IGSF21: variants seen among roughly 807,000 people sequenced by gnomAD.
The protein encoded by IGSF21 is immunoglobin superfamily member 21, also known as immunoglobulin superfamily member 21.
A neutral mutation model predicts 46.8 loss-of-function variants in IGSF21; 28 were observed. The observed-to-expected ratio is 0.60, with a 90% CI of 0.44 to 0.82. The LOEUF (loss-of-function observed/expected upper bound fraction) is 0.82, where lower values mean the gene tolerates loss of function less well. Ranked by LOEUF, IGSF21 falls within the 40% of genes least tolerant of loss-of-function variation. The pLI is 0.00. For missense variants in IGSF21, 624 were observed against 665.5 expected (o/e 0.94, Z 0.69); for synonymous variants, 284 against 273.6 (o/e 1.04, Z -0.38).
intron 2 of IGSF21, among the ~76,000 whole-genome samples, chr1:18,268,434 T>G (rs562622198): frequency 4.6e-5 from 7 of 152,344 alleles, no homozygotes; most frequent in African/African-American, 1.7e-4. Flanking sequence ...TCCCAGCTGC[T>G]GTAAGTGCTT....
rs1385762344 is a variant in IGSF21, at chr1:18,280,693, C to A, written c.184-11173C>A. Among the ~76,000 whole-genome samples the A allele has an allele frequency of 2.6e-5, 4 of 152,114 alleles. No individual in the cohort carries two copies. In the East Asian group the frequency reaches 7.7e-4, roughly 29 times the overall value. The stretch of plus-strand genomic sequence containing the variant: ...CTAGAGGTCTGACTCCAGAGCCTAA[C>A]CACTACCAAACCCAGACTCCACATG... On this transcript the variant is annotated intron_variant, in intron 2 of 9. Coordinates refer to ENST00000251296, the MANE Select transcript of IGSF21 (RefSeq NM_032880.5).
At chr1:18,223,013 C>A (rs1007566316) in intron 1 of IGSF21, among the ~76,000 whole-genome samples, 1 of 152,320 alleles carries the variant, frequency 6.6e-6, no homozygotes, top group Non-Finnish European at 1.5e-5. Context: ...TCCCTCCTCA[C>A]CCCAGCCAGA....
chr1:18,153,747 G>T (rs752593068), intron 1 of IGSF21, among the ~76,000 whole-genome samples: 1 of 152,024 alleles, frequency 6.6e-6, no homozygotes, highest in South Asian at 2.1e-4. Context: ...CTGGGGACAC[G>T]AAGGGACCAG....
chr1:18,198,973 G>A (rs2087038085), intron 1 of IGSF21, among the ~76,000 whole-genome samples: 1 of 152,006 alleles, frequency 6.6e-6, no homozygotes, highest in Admixed American at 6.5e-5. Flanking sequence ...GGCCAGATGA[G>A]GGTGGCCCCC....
rs1353337700 is a variant in IGSF21, at chr1:18,208,393, A to T, written c.71-19505A>T. On this transcript the variant is annotated intron_variant, in intron 1 of 9. Coordinates refer to ENST00000251296, the MANE Select transcript of IGSF21 (RefSeq NM_032880.5). ...TTAGGAATAATATATATATATATAT[A>T]TATTTTTTGAGACGGAGTCTTGCTG... is the stretch of plus-strand genomic sequence containing the variant. Among the ~76,000 whole-genome samples the T allele has an allele frequency of 4.2e-5, 5 of 118,794 alleles. 1 individual carries two copies. The highest frequency in any genetic ancestry group is 1.1e-4 in the African/African-American group (4 of 34,906). 77.9% of individuals were successfully genotyped at this position (118,794 alleles called of 152,430 possible).
Position 18,227,899 on chromosome 1 carries a change from C to T in IGSF21, c.72C>T (p.Gly24=), listed in dbSNP as rs531774944. 54 of 1,613,108 alleles carry T rather than the reference C, an allele frequency of 3.3e-5. No individual in the cohort carries two copies. The Middle Eastern group carries it at 6.6e-4, about 20-fold the overall frequency. The change falls in exon 2 of 10, where the codon GGC becomes GGT. Residue 24 remains glycine, a splice_region_variant and synonymous_variant. Coordinates refer to ENST00000251296, the MANE Select transcript of IGSF21 (RefSeq NM_032880.5). The part of the protein sequence containing the change: ...LLAAILDLAR[G]YLTVNIEPLP... Reference sequence around the variant, plus strand: ...ACCCCTTTCTCCTCTCTTCTGTAGGCTACCTGACAGTCAACATTGAGCCTC... The same window carrying T: ...ACCCCTTTCTCCTCTCTTCTGTAGGTTACCTGACAGTCAACATTGAGCCTC...
At chr1:18,272,280 G>A (rs774536257) in intron 2 of IGSF21, among the ~76,000 whole-genome samples, 22 of 143,180 alleles carry the variant, frequency 1.5e-4, no homozygotes, top group Non-Finnish European at 2.2e-4. Context: ...CCCACAACAC[G>A]TGAGAAGTAT....
At chr1:18,312,941 C>A (rs1470615241) in intron 3 of IGSF21, among the ~76,000 whole-genome samples, 1 of 152,192 alleles carries the variant, frequency 6.6e-6, no homozygotes. Context: ...GGACTGCCTT[C>A]TTCTTTCTTT....
chr1:18,338,495 G>A (rs934954257), intron 4 of IGSF21, among the ~76,000 whole-genome samples: 1 of 152,086 alleles, frequency 6.6e-6, no homozygotes, highest in Non-Finnish European at 1.5e-5. Context: ...AAGCTCCCAG[G>A]ACAGTGGGGA....
chr1:18,281,871 G>A (rs187924483), intron 2 of IGSF21, among the ~76,000 whole-genome samples: 5 of 152,238 alleles, frequency 3.3e-5, no homozygotes, highest in Admixed American at 1.3e-4. Flanking sequence ...TTCAGCCCTC[G>A]GTGAACCTGT....
chr1:18,227,771 C>CA (rs2084583266), intron 1 of IGSF21, 127 bp from the exon 2 acceptor site: 2 of 687,948 alleles, frequency 2.9e-6, no homozygotes, highest in Non-Finnish European at 5.3e-6. Flanking sequence ...CAGCGTCCCT[C>CA]AAAGTTGTGC....
intron 3 of IGSF21, among the ~76,000 whole-genome samples, chr1:18,324,283 G>A (rs115527402): frequency 0.013 from 1,995 of 152,326 alleles, 28 homozygotes; most frequent in Middle Eastern, 0.034. Flanking sequence ...GGTGAAAAGA[G>A]CACCATGTAT....
chr1:18,354,363 G>T (rs1249805139), intron 4 of IGSF21, among the ~76,000 whole-genome samples: 1 of 152,068 alleles, frequency 6.6e-6, no homozygotes, highest in Non-Finnish European at 1.5e-5. Context: ...AGAGAGACAG[G>T]CTAGTGGAGA....
At chr1:18,318,465 C>CGTGTGTGT (rs60257732) in intron 3 of IGSF21, among the ~76,000 whole-genome samples, 45 of 148,798 alleles carry the variant, frequency 3.0e-4, no homozygotes, top group African/African-American at 9.9e-4. Context: ...TGCGTGCGTG[C>CGTGTGTGT]GTGTGTGTGT....
chr1:18,166,258 C>T (rs1170972656), intron 1 of IGSF21, among the ~76,000 whole-genome samples: 1 of 152,126 alleles, frequency 6.6e-6, no homozygotes, highest in African/African-American at 2.4e-5. Context: ...GCAGTATAGC[C>T]TCCTCAAGTC....
Position 18,148,169 on chromosome 1 carries a change from C to T in IGSF21, c.70+39971C>T, listed in dbSNP as rs557356574. 8.2e-5 allele frequency among the ~76,000 whole-genome samples: 10 copies of T among 121,874 alleles called. No individual in the cohort carries two copies. In the East Asian group the frequency reaches 1.5e-3, roughly 18 times the overall value. The allele number at this position is 121,874 out of a possible 152,430, so 80.0% of individuals were successfully genotyped here. ...TTTTTGAGATGGAGTCTTGCTCTGT[C>T]GCCCAGGCTGGAGTGCAGTGGCGCG... On this transcript the variant is annotated intron_variant, in intron 1 of 9. Coordinates refer to ENST00000251296, the MANE Select transcript of IGSF21 (RefSeq NM_032880.5).
intron 2 of IGSF21, among the ~76,000 whole-genome samples, chr1:18,268,565 C>A (rs1358177685): frequency 6.6e-6 from 1 of 152,204 alleles, no homozygotes; most frequent in Non-Finnish European, 1.5e-5. Context: ...GACACCCAAC[C>A]CCAACTCAGG....
At chr1:18,314,926 C>A (rs759768242) in intron 3 of IGSF21, among the ~76,000 whole-genome samples, 9 of 152,134 alleles carry the variant, frequency 5.9e-5, no homozygotes, top group Non-Finnish European at 1.2e-4. Flanking sequence ...CCACAGGTAT[C>A]TTCCTGGCCC....
At chr1:18,261,532 C>T (rs975664452) in intron 2 of IGSF21, among the ~76,000 whole-genome samples, 5 of 152,206 alleles carry the variant, frequency 3.3e-5, no homozygotes, top group Non-Finnish European at 5.9e-5. Flanking sequence ...CTAGAAATGG[C>T]CACATAATTC....
Sources: gnomAD v4.1 joint callset for allele counts (sites outside exome capture counted in the v4.1 genomes callset) on GRCh38, gnomAD v4.1.1 for gene constraint, MANE v1.5 for transcripts, NCBI Gene and HGNC (gene_info 2026-07-23, HGNC 2026-07-21) for gene names.